Variants in DNASE1 observed in about 807,000 individuals in gnomAD.
DNASE1 encodes the protein deoxyribonuclease-1.
Under a neutral mutation model 33.9 loss-of-function variants are expected in DNASE1, and 40 were observed. The ratio of observed to expected loss-of-function variants is 1.18; its 90% CI spans 0.92 to 1.54. DNASE1 has a LOEUF of 1.54. Ranked by LOEUF, DNASE1 falls within the 40% of genes most tolerant of loss-of-function variation. The pLI is 0.00. For synonymous variants in DNASE1, 216 were observed against 160.0 expected, an observed-to-expected ratio of 1.35 and a Z score of -2.64; for missense variants, 518 against 372.6, an observed-to-expected ratio of 1.39 and a Z score of -3.21.
chr16:3,623,914 T>G (rs1009614185), intron 1 of DNASE1, among the ~76,000 whole-genome samples: 17 of 152,180 alleles, frequency 1.1e-4, no homozygotes, highest in African/African-American at 3.9e-4. Context: ...ACAACAGATG[T>G]TGGCATGGAT....
chr16:3,626,291 A>G (rs554641083), intron 1 of DNASE1, among the ~76,000 whole-genome samples: 1 of 152,336 alleles, frequency 6.6e-6, no homozygotes, highest in South Asian at 2.1e-4. Flanking sequence ...AAGAAAATGC[A>G]AATTAAACCA....
downstream of DNASE1, chr16:3,661,744 C>T (rs1033762832): frequency 2.1e-5 from 9 of 418,830 alleles, no homozygotes; most frequent in Non-Finnish European, 3.7e-5. Flanking sequence ...TAAAGCAAAA[C>T]GAGGACATGG....
chr16:3,655,822 T>G (rs1433950408), intron 2 of DNASE1, 27 bp from the exon 3 acceptor site: 1 of 1,612,268 alleles, frequency 6.2e-7, no homozygotes, highest in Non-Finnish European at 8.5e-7. Flanking sequence ...CCAGCCCTGC[T>G]CAGCACCACT....
chr16:3,663,342 A>G, exon 10 of DNASE1: 1 of 1,570,208 alleles, frequency 6.4e-7, no homozygotes, highest in Non-Finnish European at 8.7e-7. Flanking sequence ...ACGAAAACCC[A>G]AAGGAAGCCC....
intron 1 of DNASE1, among the ~76,000 whole-genome samples, chr16:3,626,184 A>G (rs959954985): frequency 1.3e-5 from 2 of 152,126 alleles, no homozygotes; most frequent in Admixed American, 1.3e-4. Context: ...CAAAGGATTA[A>G]TATCTAAAGA....
At chr16:3,649,418 A>T (rs1029631817) in intron 1 of DNASE1, among the ~76,000 whole-genome samples, 6 of 152,236 alleles carry the variant, frequency 3.9e-5, no homozygotes, top group African/African-American at 4.8e-5. Context: ...GCTGATAATT[A>T]TTTTATGTCA....
intron 1 of DNASE1, among the ~76,000 whole-genome samples, chr16:3,621,056 C>T (rs1048062974): frequency 1.3e-5 from 2 of 152,122 alleles, no homozygotes; most frequent in Non-Finnish European, 2.9e-5. Flanking sequence ...CCTCAGCCTC[C>T]CAAAGTGCTG....
chr16:3,619,396 C>T (rs765908256), intron 1 of DNASE1, among the ~76,000 whole-genome samples: 1 of 150,522 alleles, frequency 6.6e-6, no homozygotes, highest in African/African-American at 2.4e-5. Context: ...GAGTCTCGCT[C>T]TGTCGCCCAG....
chr16:3,647,063 G>C (rs2042194613), intron 1 of DNASE1, among the ~76,000 whole-genome samples: 1 of 152,192 alleles, frequency 6.6e-6, no homozygotes, highest in African/African-American at 2.4e-5. Context: ...CCCTGCTTCA[G>C]AGGACAGCAG....
chr16:3,661,906 T>A, downstream of DNASE1: 1 of 1,480,164 alleles, frequency 6.8e-7, no homozygotes, highest in Non-Finnish European at 9.0e-7. Flanking sequence ...TTCTTCTGTG[T>A]CACATTCCAC....
intron 1 of DNASE1, among the ~76,000 whole-genome samples, chr16:3,622,224 A>C (rs892824762): frequency 7.9e-5 from 12 of 151,930 alleles, no homozygotes; most frequent in African/African-American, 2.7e-4. Context: ...AAAAAAAAAA[A>C]AAAAAAAACG....
rs373772014 is a variant in DNASE1 at position 3,655,021 on chromosome 16, C to T, written c.-25C>T. On this transcript the variant is annotated 5_prime_UTR_variant, in exon 1 of 9. Coordinates refer to ENST00000246949, the MANE Select transcript of DNASE1 (RefSeq NM_005223.4). ...ATTCTTGACAGCATTCTCGTCATCT[C>T]TGAGGACATCACCATCATCTCAGGT... 16 of 551,100 alleles carry T rather than the reference C, an allele frequency of 2.9e-5. No homozygotes were observed. Among genetic ancestry groups the T allele is most frequent in the Admixed American group, 1.0e-4 (3 of 29,770 alleles). 34.1% of individuals were successfully genotyped at this position (551,100 alleles called of 1,614,324 possible). A position where few individuals can be genotyped will look rare whatever the true frequency, so the allele number is the denominator to read the frequency against.
At chr16:3,664,339 C>A in exon 10 of DNASE1, 1 of 1,612,796 alleles carries the variant, frequency 6.2e-7, no homozygotes, top group Non-Finnish European at 8.5e-7. Context: ...CGGTTGGGGG[C>A]GCACAGGTAG....
intron 1 of DNASE1, among the ~76,000 whole-genome samples, chr16:3,636,014 G>A (rs1176690242): frequency 6.6e-6 from 1 of 152,106 alleles, no homozygotes; most frequent in African/African-American, 2.4e-5. Flanking sequence ...TATTGTTTCA[G>A]ATACTTTTTC....
exon 10 of DNASE1, chr16:3,663,363 G>A (rs1172087414): frequency 6.9e-6 from 11 of 1,603,508 alleles, no homozygotes; most frequent in Non-Finnish European, 8.5e-6. Context: ...TCGCTGCGGG[G>A]CAGGAGAGGC....
At chr16:3,625,260 C>G (rs186358008) in intron 1 of DNASE1, among the ~76,000 whole-genome samples, 1 of 151,928 alleles carries the variant, frequency 6.6e-6, no homozygotes, top group Non-Finnish European at 1.5e-5. Context: ...GAGCCGAGAT[C>G]GTACCACTGC....
At chr16:3,660,429 C>G (rs556694365), downstream of DNASE1, 3 of 152,320 alleles carry the variant, frequency 2.0e-5, no homozygotes, top group Admixed American at 2.0e-4. Flanking sequence ...CTGATGGCGC[C>G]ACTGGTACAC....
chr16:3,658,045 A>G lies in DNASE1; in HGVS notation c.*92A>G. The G allele has an allele frequency of 6.2e-7, 1 of 1,608,324 alleles. No homozygotes were observed. On this transcript the variant is annotated 3_prime_UTR_variant, in exon 9 of 9. Transcript: ENST00000246949. ...AAAAGCCCAACACACACTCGGGTTAAGAAATACCTTTAAATTTAGGTAAAT... is the reference window on the plus strand; with the variant it reads ...AAAAGCCCAACACACACTCGGGTTAGGAAATACCTTTAAATTTAGGTAAAT...
exon 10 of DNASE1, chr16:3,664,569 TGG>T: frequency 8.0e-7 from 1 of 1,244,862 alleles, no homozygotes; most frequent in South Asian, 1.4e-5. Context: ...CACTCCAGGC[TGG>T]CCCTGACCCG....
Sources: gnomAD v4.1 joint callset for allele counts (sites outside exome capture counted in the v4.1 genomes callset) on GRCh38, gnomAD v4.1.1 for gene constraint, MANE v1.5 for transcripts, NCBI Gene and HGNC (gene_info 2026-07-23, HGNC 2026-07-21) for gene names.